ZNF18: variants seen among roughly 807,000 people sequenced by gnomAD.
ZNF18 encodes the protein zinc finger protein 18.
A neutral mutation model predicts 58.1 loss-of-function variants in ZNF18; 42 were observed. The ratio of observed to expected loss-of-function variants is 0.72; its 90% confidence interval spans 0.56 to 0.93. The LOEUF is 0.93. ZNF18 is among the 40% of genes least tolerant of loss of function. ZNF18 has a pLI of 0.00. For missense variants in ZNF18, 540 were observed against 644.2 expected, an observed-to-expected ratio of 0.84 and a Z score of 1.75; for synonymous variants, 231 against 239.8, an observed-to-expected ratio of 0.96 and a Z score of 0.34.
At chr17:12,013,589 T>C in the ZNF18 span, among the ~76,000 whole-genome samples, 1 of 152,238 alleles carries the variant, frequency 6.6e-6, no homozygotes, top group East Asian at 1.9e-4. Flanking sequence ...TCAAAAGTAT[T>C]TGAGTCTATT....
intron 4 of ZNF18, among the ~76,000 whole-genome samples, chr17:11,988,633 C>T (rs1462729057): frequency 1.3e-5 from 2 of 152,164 alleles, no homozygotes; most frequent in Non-Finnish European, 2.9e-5. Flanking sequence ...TATGAAGGGG[C>T]ATCAGATTAC....
chr17:11,992,954 C>T (rs1968225519), intron 1 of ZNF18, 43 bp from the exon 2 acceptor site: 4 of 1,168,016 alleles, frequency 3.4e-6, no homozygotes, highest in Non-Finnish European at 4.7e-6. Flanking sequence ...AGGAAGGGGA[C>T]ACATTTTCAG....
chr17:11,992,139 G>A (rs1255764008), intron 2 of ZNF18, among the ~76,000 whole-genome samples: 3 of 152,196 alleles, frequency 2.0e-5, no homozygotes, highest in South Asian at 2.1e-4. Context: ...CAAACTTGAA[G>A]AGAAGACTGT....
At chr17:11,991,580 A>T (rs2151483531) in intron 2 of ZNF18, among the ~76,000 whole-genome samples, 1 of 152,352 alleles carries the variant, frequency 6.6e-6, no homozygotes, top group African/African-American at 2.4e-5. Context: ...GCTGTGGTAT[A>T]ATAAGAAATA....
chr17:12,017,788 A>C, the ZNF18 span, among the ~76,000 whole-genome samples: 1 of 152,016 alleles, frequency 6.6e-6, no homozygotes, highest in African/African-American at 2.4e-5. Context: ...GAGGCAGGAG[A>C]ATCACTTGTG....
chr17:11,982,363 T>G (rs1967415789), intron 6 of ZNF18, among the ~76,000 whole-genome samples: 1 of 151,328 alleles, frequency 6.6e-6, no homozygotes, highest in Non-Finnish European at 1.5e-5. Flanking sequence ...TCTTATTGTG[T>G]TTTTTTTTAA....
At chr17:12,017,729 T>G in the ZNF18 span, among the ~76,000 whole-genome samples, 3 of 151,688 alleles carry the variant, frequency 2.0e-5, no homozygotes, top group African/African-American at 7.3e-5. Flanking sequence ...AGTAAAAAAT[T>G]AACCAGGTGT....
At chr17:11,985,610 G>A (rs756262510) in intron 4 of ZNF18, among the ~76,000 whole-genome samples, 1 of 152,086 alleles carries the variant, frequency 6.6e-6, no homozygotes, top group Non-Finnish European at 1.5e-5. Flanking sequence ...ATTAACTGTT[G>A]CCTCTACTAG....
chr17:11,991,101 T>G lies in ZNF18; in HGVS notation c.450A>C (p.Gln150His), dbSNP rs1968092941. The G allele has an allele frequency of 6.2e-7, 1 of 1,614,162 alleles. No individual in the cohort carries two copies. Among genetic ancestry groups the G allele is most frequent in the Non-Finnish European group, 8.5e-7 (1 of 1,180,028 alleles). The stretch of plus-strand genomic sequence containing the variant: ...CAAGATGGGGCTCCACTTCCCCCAC[T>G]TGGCAGCTTGGAGATTCCATCTTCT... ...LSEKMESPSCQVGEVEPHLEV... is the reference protein window; with the variant it reads ...LSEKMESPSCHVGEVEPHLEV... The change falls in exon 3 of 7, where the codon CAA becomes CAC. Residue 150 changes from glutamine (Q) to histidine (H), a missense_variant. By Grantham distance (24) the Gln-to-His change is conservative. Transcript: ENST00000580306.
At chr17:12,018,315 T>C in the ZNF18 span, among the ~76,000 whole-genome samples, 1 of 152,216 alleles carries the variant, frequency 6.6e-6, no homozygotes, top group Admixed American at 6.5e-5. Flanking sequence ...AGGGATGTCA[T>C]AGCAAAAGAA....
chr17:11,998,809 G>A (rs1008940273), upstream of ZNF18, among the ~76,000 whole-genome samples: 5 of 151,566 alleles, frequency 3.3e-5, 1 homozygote, highest in Middle Eastern at 3.4e-3. Context: ...TGACATAGGT[G>A]GAAGTTTCTA....
upstream of ZNF18, among the ~76,000 whole-genome samples, chr17:12,001,708 TA>T (rs1432423638): frequency 6.6e-6 from 1 of 152,076 alleles, no homozygotes; most frequent in Non-Finnish European, 1.5e-5. Flanking sequence ...GTTCTCACCA[TA>T]AAAAATAAGT....
At chr17:12,017,420 G>A in the ZNF18 span, among the ~76,000 whole-genome samples, 4 of 152,180 alleles carry the variant, frequency 2.6e-5, no homozygotes, top group South Asian at 2.1e-4. Context: ...GAGGGTGGGC[G>A]TTTTGCTCAA....
intron 6 of ZNF18, among the ~76,000 whole-genome samples, chr17:11,981,739 C>T (rs768547558): frequency 2.6e-5 from 4 of 151,970 alleles, no homozygotes; most frequent in Non-Finnish European, 4.4e-5. Flanking sequence ...CTGCAGCTTC[C>T]ATTCAATTCT....
At chr17:12,001,482 A>G (rs190769160), upstream of ZNF18, among the ~76,000 whole-genome samples, 2 of 152,226 alleles carry the variant, frequency 1.3e-5, no homozygotes, top group East Asian at 3.9e-4. Flanking sequence ...ACAAAATATT[A>G]GCCAGGCGTG....
At chr17:12,000,585 G>A (rs992735925), upstream of ZNF18, among the ~76,000 whole-genome samples, 21 of 152,152 alleles carry the variant, frequency 1.4e-4, no homozygotes, top group African/African-American at 9.7e-5. Flanking sequence ...GTGCACGCCT[G>A]TAATATACAA....
chr17:11,990,644 A>C, intron 3 of ZNF18, 94 bp from the exon 4 acceptor site: 1 of 968,228 alleles, frequency 1.0e-6, no homozygotes, highest in Non-Finnish European at 1.6e-6. Flanking sequence ...TCAGAACAAT[A>C]CCTGAACAAT....
chr17:11,990,246 G>A (rs950649528), intron 4 of ZNF18, among the ~76,000 whole-genome samples: 1 of 151,670 alleles, frequency 6.6e-6, no homozygotes, highest in Non-Finnish European at 1.5e-5. Flanking sequence ...ATATATATAT[G>A]TATATATATA....
chr17:11,980,698 C>T (rs755334375), intron 6 of ZNF18, among the ~76,000 whole-genome samples: 11 of 152,146 alleles, frequency 7.2e-5, no homozygotes, highest in East Asian at 3.8e-4. Context: ...GGATTACAGA[C>T]GTGAGCCACC....
Sources: allele counts gnomAD v4.1 joint callset (sites outside exome capture counted in the v4.1 genomes callset), GRCh38; gene constraint gnomAD v4.1.1; transcripts MANE v1.5; gene names NCBI Gene and HGNC (gene_info 2026-07-23, HGNC 2026-07-21).